UQCC1: variants seen among roughly 807,000 people sequenced by gnomAD.
The protein encoded by UQCC1 is bFGF-repressed Zic-binding protein.
UQCC1 carries 38 observed loss-of-function variants against 48.0 expected under a neutral mutation model. The observed-to-expected ratio is 0.79, with a 90% CI of 0.61 to 1.04. UQCC1 has a LOEUF of 1.04. UQCC1 is among the 50% of genes least tolerant of loss of function. The pLI, the probability that UQCC1 is intolerant of heterozygous loss-of-function variation, is 0.00. For missense variants in UQCC1, 368 were observed against 381.8 expected, an observed-to-expected ratio of 0.96 and a Z score of 0.30; for synonymous variants, 111 against 129.2, an observed-to-expected ratio of 0.86 and a Z score of 0.95.
chr20:35,397,587 T>C (rs2062100906), intron 1 of UQCC1, among the ~76,000 whole-genome samples: 1 of 152,076 alleles, frequency 6.6e-6, no homozygotes, highest in Non-Finnish European at 1.5e-5. Flanking sequence ...AGACTTTTTT[T>C]TTCTCGTCAC....
At chr20:35,333,082 C>A (rs1283174561) in intron 7 of UQCC1, among the ~76,000 whole-genome samples, 2 of 151,682 alleles carry the variant, frequency 1.3e-5, no homozygotes, top group Non-Finnish European at 2.9e-5. Context: ...AATTGGATTA[C>A]AACAAAAGGC....
intron 1 of UQCC1, 67 bp downstream of exon 1, chr20:35,411,873 G>A: frequency 1.2e-6 from 2 of 1,602,062 alleles, no homozygotes; most frequent in Non-Finnish European, 8.6e-7. Context: ...AATTCCTCCC[G>A]CCCTGCCTTG....
intron 7 of UQCC1, among the ~76,000 whole-genome samples, chr20:35,338,880 A>ATATATATATATATATAT (rs1568666082): frequency 1.7e-5 from 1 of 60,496 alleles, no homozygotes; most frequent in African/African-American, 2.2e-4. Context: ...AAAAAAAAAA[A>ATATATATATATATATAT]AAAAAAAAAA....
At chr20:35,403,636 C>A (rs531556906) in intron 1 of UQCC1, among the ~76,000 whole-genome samples, 2 of 152,248 alleles carry the variant, frequency 1.3e-5, no homozygotes, top group East Asian at 3.9e-4. Flanking sequence ...GCACTATTCA[C>A]AATAGCAAAG....
chr20:35,384,695 G>C (rs1277100646), intron 2 of UQCC1: 6 of 447,086 alleles, frequency 1.3e-5, no homozygotes, highest in Non-Finnish European at 2.7e-5. Context: ...AAGGCCAGGT[G>C]GCGTGGCTCA....
Position 35,306,736 on chromosome 20 carries a change from C to T in UQCC1, c.695G>A (p.Arg232Lys). Residue 232 changes from arginine (R) to lysine (K), a missense_variant, in exon 9 of 10, where the codon AGA becomes AAA. By Grantham distance (26) the Arg-to-Lys change is conservative. Transcript: ENST00000374385. ...TTCACATTTCCGGTTGAAGAAGGTTCTCCAGAGGGCAGCGGCCAGCCCATG... is the reference window on the plus strand; with the variant it reads ...TTCACATTTCCGGTTGAAGAAGGTTTTCCAGAGGGCAGCGGCCAGCCCATG... ...DDHGLAAALWRTFFNRKCEDP... is the reference protein window; with the variant it reads ...DDHGLAAALWKTFFNRKCEDP... The T allele has an allele frequency of 5.6e-6, 9 of 1,614,074 alleles. No homozygotes were observed. Among genetic ancestry groups the T allele is most frequent in the Non-Finnish European group, 7.6e-6 (9 of 1,180,034 alleles).
chr20:35,401,130 A>C (rs752775245), intron 1 of UQCC1, among the ~76,000 whole-genome samples: 13 of 152,234 alleles, frequency 8.5e-5, no homozygotes, highest in Non-Finnish European at 1.6e-4. Flanking sequence ...TCTGGTCACA[A>C]CATTCATCAA....
chr20:35,371,072 T>C (rs77673228), intron 5 of UQCC1, among the ~76,000 whole-genome samples: 2,746 of 152,298 alleles, frequency 0.018, 85 homozygotes, highest in African/African-American at 0.064. Context: ...TATGAGCTAA[T>C]AGTATAAAAC....
At chr20:35,333,635 G>A (rs1251257846) in intron 7 of UQCC1, among the ~76,000 whole-genome samples, 1 of 151,170 alleles carries the variant, frequency 6.6e-6, no homozygotes, top group Non-Finnish European at 1.5e-5. Flanking sequence ...CTCTCCAACA[G>A]GAACAGGGCA....
chr20:35,402,403 C>T (rs1411180831), intron 1 of UQCC1, among the ~76,000 whole-genome samples: 12 of 151,872 alleles, frequency 7.9e-5, no homozygotes, highest in Admixed American at 7.9e-4. Flanking sequence ...ATGGTGAAAC[C>T]CCGTCTCTAC....
chr20:35,360,142 G>A (rs6060383), intron 6 of UQCC1, among the ~76,000 whole-genome samples: 1 of 152,208 alleles, frequency 6.6e-6, no homozygotes, highest in Non-Finnish European at 1.5e-5. Flanking sequence ...CTGCTGCATA[G>A]GCCTTTGGTT....
chr20:35,326,968 C>T (rs2061201826), intron 7 of UQCC1, among the ~76,000 whole-genome samples: 1 of 152,130 alleles, frequency 6.6e-6, no homozygotes. Context: ...ATGCTGAGGC[C>T]CTGAACAACC....
Position 35,312,041 on chromosome 20 carries a change from C to T in UQCC1, c.651+2647G>A, listed in dbSNP as rs2061000678. Among the ~76,000 whole-genome samples, 6 of 152,214 alleles carry T rather than the reference C, an allele frequency of 3.9e-5. No individual in the cohort carries two copies. In the South Asian group the frequency reaches 1.2e-3, roughly 32 times the overall value. On this transcript the variant is annotated intron_variant, in intron 8 of 9. Coordinates refer to ENST00000374385, the MANE Select transcript of UQCC1 (RefSeq NM_018244.5). ...TGGGGGACCGGAAACAAACACAATT[C>T]GGTACATTTTTATTAATACTGATGA...
In UQCC1 at chr20:35,304,083, A is replaced by AG; in HGVS notation, c.766-15dup. The AG allele has an allele frequency of 6.2e-7, 1 of 1,613,512 alleles. No homozygotes were observed. The highest frequency in any genetic ancestry group is 1.7e-5 in the Admixed American group (1 of 59,998). ...CAGGTACTGTATCTGCAACCAGGGG[A>AG]GGGGGAAGGAGGAAGCGACAGAGGC... On this transcript the variant is annotated splice_polypyrimidine_tract_variant and intron_variant, in intron 9 of 9. Coordinates refer to ENST00000374385, the MANE Select transcript of UQCC1 (RefSeq NM_018244.5).
chr20:35,312,254 C>T (rs561028589), intron 8 of UQCC1, among the ~76,000 whole-genome samples: 1 of 152,158 alleles, frequency 6.6e-6, no homozygotes, highest in African/African-American at 2.4e-5. Flanking sequence ...AACCCATAAC[C>T]CCCGAAAGCT....
intron 7 of UQCC1, among the ~76,000 whole-genome samples, chr20:35,340,414 T>C (rs2061364379): frequency 6.6e-6 from 1 of 152,194 alleles, no homozygotes; most frequent in African/African-American, 2.4e-5. Flanking sequence ...GCTCAGGCCA[T>C]TTTAGAAACT....
chr20:35,303,910 C>A lies in UQCC1; in HGVS notation c.*25G>T. 6.2e-7 allele frequency: 1 copy of A among 1,613,984 alleles called. No homozygotes were observed. Among genetic ancestry groups the A allele is most frequent in the Non-Finnish European group, 8.5e-7 (1 of 1,179,898 alleles). On this transcript the variant is annotated 3_prime_UTR_variant, in exon 10 of 10. Transcript: ENST00000374385. ...CTGGAGGTTCCTCGAAGCCAGCTGG[C>A]GGGCCGTGCGGAGGGCCCAGCCCAT...
At chr20:35,309,332 T>C (rs1383329224) in intron 8 of UQCC1, 1 of 375,060 alleles carries the variant, frequency 2.7e-6, no homozygotes, top group Non-Finnish European at 5.4e-6. Flanking sequence ...CTCGGGAGGA[T>C]GAGGTGGGAT....
chr20:35,310,381 A>G (rs900509294), intron 8 of UQCC1, among the ~76,000 whole-genome samples: 7 of 152,092 alleles, frequency 4.6e-5, no homozygotes, highest in Non-Finnish European at 8.8e-5. Flanking sequence ...GTGGTGGCTC[A>G]CGCCTGTAAT....
Sources: allele counts gnomAD v4.1 joint callset (sites outside exome capture counted in the v4.1 genomes callset), GRCh38; gene constraint gnomAD v4.1.1; transcripts MANE v1.5; gene names NCBI Gene and HGNC (gene_info 2026-07-23, HGNC 2026-07-21).